The following CADM2 variants were observed in gnomAD, a reference collection of about 807,000 sequenced individuals.
CADM2 encodes immunoglobulin superfamily member 4D.
CADM2 carries 12 observed loss-of-function variants against 49.8 expected under a neutral mutation model. That is an observed-to-expected ratio of 0.24 (90% CI 0.15 to 0.39). CADM2 has a LOEUF of 0.39. Ranked by LOEUF, CADM2 falls within the 10% of genes least tolerant of loss-of-function variation. The probability of loss-of-function intolerance (pLI) is 1.00; values close to 1 mark genes in which losing one functional copy is unlikely to be tolerated. For synonymous variants in CADM2, 214 were observed against 175.4 expected (o/e 1.22, Z -1.74); for missense variants, 378 against 492.3 (o/e 0.77, Z 2.20).
intron 1 of CADM2, among the ~76,000 whole-genome samples, chr3:85,357,132 T>TG (rs1161990615): frequency 2.6e-5 from 4 of 152,096 alleles, no homozygotes; most frequent in Non-Finnish European, 4.4e-5. Flanking sequence ...TCAACATATG[T>TG]GGGAAAAAAC....
At chr3:85,440,146 G>GA (rs1193751481) in intron 1 of CADM2, among the ~76,000 whole-genome samples, 1 of 152,122 alleles carries the variant, frequency 6.6e-6, no homozygotes, top group Admixed American at 6.5e-5. Context: ...GGCTAAAGTA[G>GA]AAAAAATAGC....
At chr3:85,321,118 T>A (rs867604480) in intron 1 of CADM2, among the ~76,000 whole-genome samples, 2,938 of 8,820 alleles carry the variant, frequency 0.33, 80 homozygotes, top group East Asian at 0.42. Context: ...ATATATATAT[T>A]TTTTTTTTTT....
In CADM2 at chr3:85,718,880, A is replaced by ATTT. The variant is rs1553671781; in HGVS notation, c.62-7640_62-7638dup. On this transcript the variant is annotated intron_variant, in intron 1 of 9. Coordinates refer to ENST00000383699, the MANE Select transcript of CADM2 (RefSeq NM_001167675.2). ...TTATTTTATAGAGGAAATTAATGGT[A>ATTT]TTTTATTATTATTATTATTATTATT... 4.8e-5 allele frequency among the ~76,000 whole-genome samples: 6 copies of ATTT among 123,798 alleles called. 1 individual carries two copies. Among genetic ancestry groups the ATTT allele is most frequent in the African/African-American group, 1.8e-4 (6 of 32,564 alleles). 81.2% of individuals were successfully genotyped at this position (123,798 alleles called of 152,430 possible).
At chr3:85,959,929 A>G (rs2108611622) in intron 7 of CADM2, among the ~76,000 whole-genome samples, 1 of 152,072 alleles carries the variant, frequency 6.6e-6, no homozygotes, top group Non-Finnish European at 1.5e-5. Context: ...ATAGTTAAGT[A>G]GCATATGACT....
At chr3:85,769,289 A>G (rs186469934) in intron 2 of CADM2, among the ~76,000 whole-genome samples, 4 of 124,746 alleles carry the variant, frequency 3.2e-5, no homozygotes, top group African/African-American at 1.3e-4. Context: ...ATACATATAT[A>G]GTATATATAC....
intron 1 of CADM2, among the ~76,000 whole-genome samples, chr3:85,036,877 C>T (rs913435585): frequency 1.1e-4 from 16 of 151,726 alleles, no homozygotes; most frequent in South Asian, 4.2e-4. Context: ...TCTGGCCAGA[C>T]GCTGTGGCTC....
intron 1 of CADM2, among the ~76,000 whole-genome samples, chr3:85,669,364 T>C (rs1328870732): frequency 1.3e-5 from 2 of 152,110 alleles, no homozygotes; most frequent in Non-Finnish European, 2.9e-5. Flanking sequence ...ATTTACTTGA[T>C]GAAAAGAGGA....
intron 1 of CADM2, among the ~76,000 whole-genome samples, chr3:85,626,325 C>T (rs184512644): frequency 1.6e-3 from 247 of 151,972 alleles, no homozygotes; most frequent in African/African-American, 5.5e-3. Flanking sequence ...ACTGAAGTCC[C>T]TTCAGTAGCA....
In CADM2 at chr3:85,915,240, T is replaced by G. The variant is rs536590016; in HGVS notation, c.700+2697T>G. On this transcript the variant is annotated intron_variant, in intron 6 of 9. Coordinates refer to ENST00000383699, the MANE Select transcript of CADM2 (RefSeq NM_001167675.2). ...GGAGGAAGGCAATTGAATTATCTAA[T>G]TTTTAAAGAAAGTTTTACATTAAAA... Among the ~76,000 whole-genome samples the G allele has an allele frequency of 4.1e-4, 63 of 152,276 alleles. 1 individual carries two copies. Among genetic ancestry groups the G allele is most frequent in the Middle Eastern group, 3.4e-3 (1 of 294 alleles).
rs184041837 is a variant in CADM2, at chr3:85,183,283, T to C, written c.61+223615T>C. ...AATTCACTTATAAAAATGAATGCTG[T>C]AGTTGATTGTTAATGCCAGCAAAGA... On this transcript the variant is annotated intron_variant, in intron 1 of 9. Coordinates refer to ENST00000383699, the MANE Select transcript of CADM2 (RefSeq NM_001167675.2). Among the ~76,000 whole-genome samples, 7 of 152,268 alleles carry C rather than the reference T, an allele frequency of 4.6e-5. No homozygotes were observed. The East Asian group carries it at 1.3e-3, about 29-fold the overall frequency.
In CADM2 at chr3:85,296,977, C is replaced by T. The variant is rs2043980524; in HGVS notation, c.61+337309C>T. Among the ~76,000 whole-genome samples, 3 of 151,868 alleles carry T rather than the reference C, an allele frequency of 2.0e-5. No individual in the cohort carries two copies. In the South Asian group the frequency reaches 6.2e-4, roughly 31 times the overall value. On this transcript the variant is annotated intron_variant, in intron 1 of 9. Transcript: ENST00000383699. Reference sequence around the variant, plus strand: ...TTGGGTTCTTTCCCAGGTGCTATTACATTCTGTTGGGTCTCTTGTAATTTT... The same window carrying T: ...TTGGGTTCTTTCCCAGGTGCTATTATATTCTGTTGGGTCTCTTGTAATTTT...
At chr3:85,310,203 A>T (rs2107042507) in intron 1 of CADM2, among the ~76,000 whole-genome samples, 1 of 152,332 alleles carries the variant, frequency 6.6e-6, no homozygotes, top group African/African-American at 2.4e-5. Context: ...TCAAACTTAA[A>T]GCATTATCAC....
chr3:85,585,640 G>GA (rs1013922318), intron 1 of CADM2, among the ~76,000 whole-genome samples: 7 of 152,064 alleles, frequency 4.6e-5, no homozygotes, highest in Admixed American at 4.6e-4. Context: ...GGATAAGGGG[G>GA]ATCTACTGTA....
intron 1 of CADM2, among the ~76,000 whole-genome samples, chr3:85,235,667 CA>C (rs1452909980): frequency 6.6e-6 from 1 of 152,046 alleles, no homozygotes; most frequent in Non-Finnish European, 1.5e-5. Context: ...ATTGAAATTT[CA>C]TTACAAGTAT....
rs779393808 is a variant in CADM2, at chr3:85,912,335, A to G, written c.530-38A>G. Reference sequence around the variant, plus strand: ...AGTAAATGCAATCTGTTTTATTTTGAAAGGTGTCACATTTTAAAATTCATA... The same window carrying G: ...AGTAAATGCAATCTGTTTTATTTTGGAAGGTGTCACATTTTAAAATTCATA... On this transcript the variant is annotated intron_variant, in intron 5 of 9. Coordinates refer to ENST00000383699, the MANE Select transcript of CADM2 (RefSeq NM_001167675.2). 1.6e-5 allele frequency: 24 copies of G among 1,494,484 alleles called. No individual in the cohort carries two copies. The Admixed American group carries it at 4.4e-4, about 28-fold the overall frequency. 92.6% of individuals were successfully genotyped at this position (1,494,484 alleles called of 1,614,324 possible).
intron 1 of CADM2, among the ~76,000 whole-genome samples, chr3:85,589,731 A>G (rs1004383485): frequency 3.3e-5 from 5 of 152,098 alleles, no homozygotes; most frequent in South Asian, 2.1e-4. Flanking sequence ...ATAAGAAAAT[A>G]GATACAATTA....
intron 1 of CADM2, among the ~76,000 whole-genome samples, chr3:85,043,034 G>C (rs552667284): frequency 8.5e-5 from 13 of 152,196 alleles, no homozygotes; most frequent in East Asian, 1.9e-4. Context: ...CAACACAAAG[G>C]CATTTGAGCT....
chr3:85,857,200 G>A lies in CADM2; in HGVS notation c.239-26091G>A, dbSNP rs144859079. Among the ~76,000 whole-genome samples the A allele has an allele frequency of 4.3e-3, 655 of 152,172 alleles. 5 individuals are homozygous for A. The highest frequency in any genetic ancestry group is 0.015 in the African/African-American group (604 of 41,518). ...AAGGGTTCCACTCTAATCACCTAAA[G>A]GCCCTACTTCCTAATACCATCACAT... On this transcript the variant is annotated intron_variant, in intron 3 of 9. Transcript: ENST00000383699.
chr3:85,335,712 G>A (rs764509540), intron 1 of CADM2, among the ~76,000 whole-genome samples: 7 of 151,368 alleles, frequency 4.6e-5, no homozygotes, highest in Non-Finnish European at 7.4e-5. Flanking sequence ...AGCTTCTTCT[G>A]TGAGATGATT....
Sources: gnomAD v4.1 joint callset for allele counts (sites outside exome capture counted in the v4.1 genomes callset) on GRCh38, gnomAD v4.1.1 for gene constraint, MANE v1.5 for transcripts, NCBI Gene and HGNC (gene_info 2026-07-23, HGNC 2026-07-21) for gene names.